The following SUPT3H variants were observed in gnomAD, a reference collection of about 807,000 sequenced individuals.
SUPT3H encodes SPT3 homolog, SAGA and STAGA complex component.
A neutral mutation model predicts 44.3 loss-of-function variants in SUPT3H; 44 were observed. That is an observed-to-expected ratio of 0.99 (90% confidence interval 0.78 to 1.28). The LOEUF is 1.28. Ranked by LOEUF, SUPT3H falls within the 50% of genes most tolerant of loss-of-function variation. SUPT3H has a pLI of 0.00. For synonymous variants in SUPT3H, 124 were observed against 125.6 expected, an observed-to-expected ratio of 0.99 and a Z score of 0.09; for missense variants, 380 against 387.1, an observed-to-expected ratio of 0.98 and a Z score of 0.15.
intron 2 of SUPT3H, among the ~76,000 whole-genome samples, chr6:45,318,319 G>A (rs901850586): frequency 6.6e-6 from 1 of 152,102 alleles, no homozygotes; most frequent in Non-Finnish European, 1.5e-5. Context: ...TATTCTGGAT[G>A]ACACCGTAAT....
chr6:44,985,327 A>C lies in SUPT3H; in HGVS notation c.504+18326T>G, dbSNP rs180743336. ...TAAGAGGATCGCTTGAGCTCAGTTC[A>C]AGGATGCAGTGTGCTACGATGGCAC... On this transcript the variant is annotated intron_variant, in intron 6 of 10. Transcript: ENST00000371459. Among the ~76,000 whole-genome samples, 937 of 152,192 alleles carry C rather than the reference A, an allele frequency of 6.2e-3. 10 individuals carry two copies. The highest frequency in any genetic ancestry group is 0.034 in the Middle Eastern group (10 of 294).
At chr6:45,005,521 C>T (rs891821201) in intron 5 of SUPT3H, among the ~76,000 whole-genome samples, 10 of 151,958 alleles carry the variant, frequency 6.6e-5, no homozygotes, top group African/African-American at 2.4e-4. Flanking sequence ...GGGCGGATCA[C>T]CTGAGGTCAG....
intron 1 of SUPT3H, among the ~76,000 whole-genome samples, chr6:45,376,401 C>A (rs1563053762): frequency 6.6e-6 from 1 of 152,106 alleles, no homozygotes; most frequent in Non-Finnish European, 1.5e-5. Flanking sequence ...CTACCACTAG[C>A]CACATGTGGG....
chr6:45,283,866 C>T (rs144538973), intron 2 of SUPT3H, among the ~76,000 whole-genome samples: 1 of 152,266 alleles, frequency 6.6e-6, no homozygotes, highest in East Asian at 1.9e-4. Context: ...TGTAAAAGAA[C>T]AGAAATTATA....
intron 2 of SUPT3H, among the ~76,000 whole-genome samples, chr6:45,147,364 A>G (rs1352446157): frequency 5.3e-5 from 8 of 152,144 alleles, no homozygotes; most frequent in Non-Finnish European, 1.0e-4. Context: ...AAACATTTTG[A>G]CCTACCTTTT....
chr6:44,957,099 T>C (rs893652431), intron 7 of SUPT3H, among the ~76,000 whole-genome samples: 6 of 152,192 alleles, frequency 3.9e-5, no homozygotes, highest in Admixed American at 2.0e-4. Flanking sequence ...TAGTGAAGAT[T>C]TTATGAAATC....
intron 2 of SUPT3H, among the ~76,000 whole-genome samples, chr6:45,311,087 A>C (rs768871197): frequency 1.3e-5 from 2 of 152,220 alleles, no homozygotes; most frequent in Non-Finnish European, 2.9e-5. Flanking sequence ...AAGAAAATAC[A>C]ATCAAAAATT....
intron 2 of SUPT3H, among the ~76,000 whole-genome samples, chr6:45,347,591 T>C (rs12529295): frequency 0.15 from 22,996 of 152,060 alleles, 1,980 homozygotes; most frequent in East Asian, 0.26. Flanking sequence ...TATTTTTAAA[T>C]TCCCCAGCAT....
intron 10 of SUPT3H, among the ~76,000 whole-genome samples, chr6:44,887,563 A>T (rs1762528104): frequency 6.6e-6 from 1 of 152,180 alleles, no homozygotes; most frequent in Non-Finnish European, 1.5e-5. Flanking sequence ...ATGTCCTTTG[A>T]AACCAACAAG....
downstream of SUPT3H, among the ~76,000 whole-genome samples, chr6:44,825,411 T>C (rs1296401965): frequency 1.3e-5 from 2 of 152,202 alleles, no homozygotes; most frequent in South Asian, 2.1e-4. Context: ...CTCTTTAATA[T>C]GGTCTCAGAA....
At chr6:45,015,317 T>A (rs186156754) in intron 4 of SUPT3H, among the ~76,000 whole-genome samples, 1 of 152,142 alleles carries the variant, frequency 6.6e-6, no homozygotes, top group East Asian at 1.9e-4. Flanking sequence ...ATGGTAAGTA[T>A]TTGTATATCT....
At chr6:44,867,350 G>A (rs893626344) in intron 10 of SUPT3H, among the ~76,000 whole-genome samples, 3 of 151,824 alleles carry the variant, frequency 2.0e-5, no homozygotes, top group Admixed American at 6.6e-5. Context: ...CATGTTGGCC[G>A]GGCTGGTTTC....
intron 5 of SUPT3H, among the ~76,000 whole-genome samples, chr6:45,007,280 C>T (rs1352193028): frequency 6.6e-6 from 1 of 151,896 alleles, no homozygotes; most frequent in Non-Finnish European, 1.5e-5. Flanking sequence ...AGGTGTTTAT[C>T]TACTCAACTT....
At chr6:44,968,390 C>T (rs1777078650) in intron 6 of SUPT3H, among the ~76,000 whole-genome samples, 1 of 152,020 alleles carries the variant, frequency 6.6e-6, no homozygotes. Flanking sequence ...CACAAAATGC[C>T]GAAGAAACCA....
intron 3 of SUPT3H, among the ~76,000 whole-genome samples, chr6:45,050,878 A>ATTTTTT (rs35575281): frequency 2.1e-4 from 18 of 86,162 alleles, no homozygotes; most frequent in South Asian, 4.6e-4. Flanking sequence ...AGGGTATGGG[A>ATTTTTT]TTTTTTTTTT....
intron 2 of SUPT3H, among the ~76,000 whole-genome samples, chr6:45,285,664 C>G: frequency 6.6e-6 from 1 of 152,128 alleles, no homozygotes. Context: ...AATGGCCATA[C>G]TGCCCAAGAT....
chr6:45,114,067 AAAAT>A (rs1318265522), intron 2 of SUPT3H, among the ~76,000 whole-genome samples: 9 of 152,116 alleles, frequency 5.9e-5, no homozygotes, highest in Middle Eastern at 3.4e-3. Flanking sequence ...TTTATGATAT[AAAAT>A]AAATAATGCT....
intron 2 of SUPT3H, among the ~76,000 whole-genome samples, chr6:45,196,264 G>A (rs556504465): frequency 5.9e-5 from 9 of 151,944 alleles, no homozygotes; most frequent in Non-Finnish European, 1.2e-4. Context: ...TTAGACCATA[G>A]CACCACTGTT....
chr6:45,300,247 T>G (rs1781937376), intron 2 of SUPT3H, among the ~76,000 whole-genome samples: 1 of 152,226 alleles, frequency 6.6e-6, no homozygotes, highest in Non-Finnish European at 1.5e-5. Flanking sequence ...TTAAATCCGA[T>G]TTCAGTTTGA....
Sources: gnomAD v4.1 joint callset for allele counts (sites outside exome capture counted in the v4.1 genomes callset) on GRCh38, gnomAD v4.1.1 for gene constraint, MANE v1.5 for transcripts, NCBI Gene and HGNC (gene_info 2026-07-23, HGNC 2026-07-21) for gene names.